The following TCF25 variants were observed in gnomAD, a reference collection of about 807,000 sequenced individuals.
TCF25 encodes ribosome quality control complex subunit TCF25.
A neutral mutation model predicts 83.1 loss-of-function variants in TCF25; 41 were observed. The observed-to-expected ratio is 0.49, with a 90% CI of 0.38 to 0.64. The LOEUF (loss-of-function observed/expected upper bound fraction) is 0.64, where lower values mean the gene tolerates loss of function less well. Among genes scored for constraint, TCF25 ranks in the 30% least tolerant of loss-of-function variants. TCF25 has a pLI of 0.00. For synonymous variants in TCF25, 458 were observed against 365.0 expected, an observed-to-expected ratio of 1.25 and a Z score of -2.90; for missense variants, 979 against 914.5, an observed-to-expected ratio of 1.07 and a Z score of -0.91.
At chr16:89,903,277 A>G (rs2044499099) in intron 12 of TCF25, among the ~76,000 whole-genome samples, 2 of 152,176 alleles carry the variant, frequency 1.3e-5, no homozygotes, top group Admixed American at 1.3e-4. Context: ...GTTCCCCTAC[A>G]TGGCGGCCTC....
chr16:89,904,905 G>T, intron 13 of TCF25, 33 bp from the exon 14 acceptor site: 1 of 1,587,904 alleles, frequency 6.3e-7, no homozygotes. Flanking sequence ...GGTCTGAAGA[G>T]GGGTTCTGCT....
chr16:89,889,545 C>T (rs906390120), intron 5 of TCF25: 14 of 157,850 alleles, frequency 8.9e-5, no homozygotes, highest in Non-Finnish European at 1.6e-4. Flanking sequence ...GTTTGCACGT[C>T]TGAGTTCTTT....
At chr16:89,876,389 A>G (rs1223930759) in intron 1 of TCF25, among the ~76,000 whole-genome samples, 2 of 152,228 alleles carry the variant, frequency 1.3e-5, no homozygotes, top group African/African-American at 4.8e-5. Flanking sequence ...ATGGTTATGA[A>G]TGTGAATGCA....
In TCF25 at chr16:89,898,553, C is replaced by T. The variant is rs1470937254; in HGVS notation, c.1023-4C>T. On this transcript the variant is annotated splice_region_variant and splice_polypyrimidine_tract_variant and intron_variant, in intron 9 of 17. Transcript: ENST00000263346. ...TAATTCATGTGGAACTATTTTGGAT[C>T]TAGGAGCTTCTACCTGGCCCTCTAC... The T allele has an allele frequency of 6.3e-7, 1 of 1,595,992 alleles. No homozygotes were observed. The highest frequency in any genetic ancestry group is 1.1e-5 in the South Asian group (1 of 90,480).
intron 2 of TCF25, 73 bp from the exon 3 acceptor site, chr16:89,884,509 G>T: frequency 6.5e-7 from 1 of 1,527,544 alleles, no homozygotes; most frequent in Non-Finnish European, 9.0e-7. Context: ...GTGGAGTCAC[G>T]CTTGCTGCTT....
intron 16 of TCF25, 79 bp downstream of exon 16, chr16:89,907,401 C>G (rs1207350860): frequency 2.0e-6 from 1 of 499,608 alleles, no homozygotes; most frequent in African/African-American, 2.1e-5. Flanking sequence ...TCCCACCTCC[C>G]AGCTCCAACC....
intron 17 of TCF25, 82 bp from the exon 18 acceptor site, chr16:89,910,998 T>G: frequency 6.4e-7 from 1 of 1,570,952 alleles, no homozygotes. Flanking sequence ...CACCTCGGGC[T>G]CCACAGTGCC....
At chr16:89,894,058 T>C (rs932126275) in intron 7 of TCF25, among the ~76,000 whole-genome samples, 200 bp downstream of exon 7, 18 of 152,094 alleles carry the variant, frequency 1.2e-4, no homozygotes, top group African/African-American at 4.1e-4. Flanking sequence ...GCGAGCTCCA[T>C]CCATACTCAG....
Position 89,873,718 on chromosome 16 carries a change from G to T in TCF25, c.51G>T (p.Glu17Asp), listed in dbSNP as rs750487313. The part of the protein sequence containing the change: ...RRLRGEQRGQ[E>D]PLGPGALHFD... ...TGAGGGGGGAACAGCGCGGCCAGGAGCCCCTCGGGCCCGGCGCCTTGCATT... is the reference window on the plus strand; with the variant it reads ...TGAGGGGGGAACAGCGCGGCCAGGATCCCCTCGGGCCCGGCGCCTTGCATT... Residue 17 changes from glutamate to aspartate, a missense_variant, in exon 1 of 18, where the codon GAG (glutamate) becomes GAT (aspartate). Transcript: ENST00000263346. 1 of 1,610,968 alleles carries T rather than the reference G, an allele frequency of 6.2e-7. No individual in the cohort carries two copies. The highest frequency in any genetic ancestry group is 1.3e-5 in the African/African-American group (1 of 74,712).
rs191301713 is a variant in TCF25, at chr16:89,878,732, C to T, written c.193-4619C>T. On this transcript the variant is annotated intron_variant, in intron 1 of 17. Transcript: ENST00000263346. ...CTCAGCTCACTGCAAGCTCTGCCTC[C>T]TGGATTCACTCCATTGTCCAGCCTC... is the stretch of plus-strand genomic sequence containing the variant. 5.7e-4 allele frequency: 490 copies of T among 863,334 alleles called. 1 individual carries two copies. The African/African-American group carries it at 8.4e-3, about 15-fold the overall frequency. 53.5% of individuals were successfully genotyped at this position (863,334 alleles called of 1,614,324 possible).
At chr16:89,884,765 T>A (rs1402965324) in intron 3 of TCF25, 109 bp downstream of exon 3, 1 of 959,158 alleles carries the variant, frequency 1.0e-6, no homozygotes, top group Non-Finnish European at 1.5e-6. Context: ...TCTGACGCCC[T>A]CTCCCTCTGC....
chr16:89,900,277 G>GGAA (rs1382699515), intron 11 of TCF25, among the ~76,000 whole-genome samples: 2 of 132,744 alleles, frequency 1.5e-5, no homozygotes, highest in South Asian at 2.6e-4. Flanking sequence ...TGCTCTCACA[G>GGAA]ACTCGCGCGG....
chr16:89,884,500 T>C (rs1597287631), intron 2 of TCF25, 82 bp from the exon 3 acceptor site: 3 of 1,438,338 alleles, frequency 2.1e-6, no homozygotes, highest in Non-Finnish European at 2.9e-6. Flanking sequence ...TAGGTGAGGG[T>C]GGAGTCACGC....
At chr16:89,901,074 G>A (rs1032144227) in intron 12 of TCF25, 11 of 330,056 alleles carry the variant, frequency 3.3e-5, no homozygotes, top group Non-Finnish European at 5.8e-5. Context: ...TGGGAGGTGC[G>A]GGGCATTGGA....
intron 1 of TCF25, among the ~76,000 whole-genome samples, chr16:89,881,507 G>C (rs1234909592): frequency 6.8e-6 from 1 of 147,302 alleles, no homozygotes; most frequent in Non-Finnish European, 1.5e-5. Context: ...GTGCCGTTGT[G>C]TGATCATGGC....
Position 89,905,078 on chromosome 16 carries a change from T to C in TCF25, c.1610T>C (p.Val537Ala), listed in dbSNP as rs1597375717. The change falls in exon 14 of 18, where the codon GTG (valine) becomes GCG (alanine). Residue 537 changes from valine to alanine, a missense_variant. Val to Ala is a moderately conservative substitution (Grantham distance 64, BLOSUM62 0). Coordinates refer to ENST00000263346, the MANE Select transcript of TCF25 (RefSeq NM_014972.3). ...LQAVDAGDPA[V>A]EACENRRKVL... ...GCAGTGGACGCCGGGGACCCAGCCG[T>C]GGAAGCCTGTGAGAACCGGTGAGCT... 6.3e-7 allele frequency: 1 copy of C among 1,598,680 alleles called. No homozygotes were observed. The highest frequency in any genetic ancestry group is 8.5e-7 in the Non-Finnish European group (1 of 1,173,120).
In TCF25 at chr16:89,892,108, C is replaced by T. The variant is rs571234711; in HGVS notation, c.615-85C>T. ...TCTCTGCCCCTCAGTTTTGCTTCCA[C>T]AGCCCGTGCAGGGATCAGGCAGCCA... On this transcript the variant is annotated intron_variant, in intron 5 of 17. Transcript: ENST00000263346. The T allele has an allele frequency of 7.4e-6, 10 of 1,348,998 alleles. No homozygotes were observed. In the African/African-American group the frequency reaches 1.0e-4, roughly 14 times the overall value. 83.6% of individuals were successfully genotyped at this position (1,348,998 alleles called of 1,614,324 possible). A position where few individuals can be genotyped will look rare whatever the true frequency, so the allele number is the denominator to read the frequency against.
At chr16:89,893,621 G>T in intron 6 of TCF25, 107 bp from the exon 7 acceptor site, 2 of 1,557,412 alleles carry the variant, frequency 1.3e-6, no homozygotes, top group South Asian at 1.2e-5. Flanking sequence ...CAAGTTTGTC[G>T]ATATCGCAGA....
chr16:89,905,153 C>A, intron 14 of TCF25, 57 bp downstream of exon 14: 1 of 1,491,736 alleles, frequency 6.7e-7, no homozygotes, highest in Non-Finnish European at 8.9e-7. Flanking sequence ...ACCCTCATCC[C>A]AGACACGGGG....
Sources: gnomAD v4.1 joint callset for allele counts (sites outside exome capture counted in the v4.1 genomes callset) on GRCh38, gnomAD v4.1.1 for gene constraint, MANE v1.5 for transcripts, NCBI Gene and HGNC (gene_info 2026-07-23, HGNC 2026-07-21) for gene names.